Variants in ADCYAP1R1 observed in about 807,000 individuals in gnomAD.
The protein encoded by ADCYAP1R1 is pituitary adenylate cyclase-activating polypeptide type I receptor.
ADCYAP1R1 carries 44 observed loss-of-function variants against 67.6 expected under a neutral mutation model. The observed-to-expected ratio is 0.65, with a 90% CI of 0.51 to 0.84. The LOEUF is 0.84. ADCYAP1R1 is among the 40% of genes least tolerant of loss of function. The probability of loss-of-function intolerance (pLI) is 0.00; values close to 1 mark genes in which losing one functional copy is unlikely to be tolerated. For synonymous variants in ADCYAP1R1, 222 were observed against 219.6 expected (o/e 1.01, Z -0.10); for missense variants, 477 against 587.9 (o/e 0.81, Z 1.95).
Position 31,106,613 on chromosome 7 carries a change from C to T in ADCYAP1R1, c.1336C>T (p.Leu446Phe). 6.2e-7 allele frequency: 1 copy of T among 1,613,942 alleles called. No homozygotes were observed. Among genetic ancestry groups the T allele is most frequent in the Non-Finnish European group, 8.5e-7 (1 of 1,179,866 alleles). The change falls in exon 16 of 16, where the codon CTC becomes TTC. Residue 446 changes from leucine (L) to phenylalanine (F), a missense_variant. Physicochemically the swap from Leu to Phe is conservative, Grantham distance 22. Transcript: ENST00000304166. ...CAGTGGGGTGAATGGGGGCACCCAG[C>T]TCTCCATCCTGAGCAAGAGCAGCTC... The part of the protein sequence containing the change: ...ASSGVNGGTQ[L>F]SILSKSSSQI...
chr7:31,088,430 A>C (rs979284397), intron 12 of ADCYAP1R1, among the ~76,000 whole-genome samples: 1 of 152,218 alleles, frequency 6.6e-6, no homozygotes, highest in African/African-American at 2.4e-5. Flanking sequence ...GGCCTTTCCC[A>C]ACCCAAGACA....
chr7:31,100,637 A>G (rs1259048860), intron 13 of ADCYAP1R1, among the ~76,000 whole-genome samples: 4 of 152,186 alleles, frequency 2.6e-5, no homozygotes, highest in South Asian at 2.1e-4. Context: ...TTTGTGTGTG[A>G]GTCAGCATTA....
intron 3 of ADCYAP1R1, among the ~76,000 whole-genome samples, chr7:31,072,025 A>G (rs1584493934): frequency 2.3e-5 from 1 of 43,896 alleles, no homozygotes; most frequent in East Asian, 8.1e-4. Context: ...CCACCCACCC[A>G]TCAATCTACT....
intron 6 of ADCYAP1R1, among the ~76,000 whole-genome samples, chr7:31,082,578 C>T (rs1375532350): frequency 1.3e-5 from 2 of 152,158 alleles, no homozygotes; most frequent in Admixed American, 6.5e-5. Flanking sequence ...GAAATGAGGC[C>T]CAGGGAGGGG....
intron 8 of ADCYAP1R1, 42 bp from the exon 9 acceptor site, chr7:31,085,268 G>T (rs774009355): frequency 6.3e-7 from 1 of 1,595,350 alleles, no homozygotes; most frequent in African/African-American, 1.3e-5. Flanking sequence ...GTGAAATGCT[G>T]TGGGGTCCAA....
intron 3 of ADCYAP1R1, among the ~76,000 whole-genome samples, chr7:31,068,152 A>C (rs112980502): frequency 1.0e-3 from 156 of 152,144 alleles, no homozygotes; most frequent in African/African-American, 3.5e-3. Context: ...AACAGCCAGC[A>C]CTTCAAGGCG....
chr7:31,058,304 G>A (rs578027653), intron 1 of ADCYAP1R1, among the ~76,000 whole-genome samples: 63 of 152,174 alleles, frequency 4.1e-4, no homozygotes, highest in Non-Finnish European at 8.5e-4. Flanking sequence ...GTCACCGCTC[G>A]CTCCCATGTG....
intron 3 of ADCYAP1R1, among the ~76,000 whole-genome samples, chr7:31,070,788 A>C (rs1373555086): frequency 6.6e-6 from 1 of 152,076 alleles, no homozygotes; most frequent in African/African-American, 2.4e-5. Context: ...TGCTGGGCCC[A>C]CCTCCAGAAG....
chr7:31,076,542 A>G (rs1412388497), intron 3 of ADCYAP1R1, among the ~76,000 whole-genome samples: 2 of 152,164 alleles, frequency 1.3e-5, no homozygotes, highest in African/African-American at 4.8e-5. Context: ...GGGATTCCTC[A>G]ACACCTCTCA....
chr7:31,082,519 C>T (rs1171540375), intron 6 of ADCYAP1R1, among the ~76,000 whole-genome samples: 1 of 152,198 alleles, frequency 6.6e-6, no homozygotes, highest in African/African-American at 2.4e-5. Context: ...TTTTTCAAAG[C>T]AGCTTCCCTT....
chr7:31,056,928 C>G (rs1794271577), intron 1 of ADCYAP1R1: 1 of 152,258 alleles, frequency 6.6e-6, no homozygotes, highest in African/African-American at 2.4e-5. Context: ...CCAGGGGGCG[C>G]TCATCCAGGT....
At chr7:31,095,771 C>G (rs1165218026) in intron 13 of ADCYAP1R1, 1 of 717,622 alleles carries the variant, frequency 1.4e-6, no homozygotes, top group Non-Finnish European at 2.6e-6. Context: ...TCCAGCTGCT[C>G]AGGTGATAAG....
chr7:31,098,652 G>C (rs1796303099), intron 13 of ADCYAP1R1, among the ~76,000 whole-genome samples: 1 of 144,854 alleles, frequency 6.9e-6, no homozygotes, highest in African/African-American at 2.5e-5. Context: ...ATTGAATGGT[G>C]CTGTTTGTTG....
At chr7:31,077,616 G>A (rs1223874667) in intron 3 of ADCYAP1R1, among the ~76,000 whole-genome samples, 1 of 147,668 alleles carries the variant, frequency 6.8e-6, no homozygotes, top group African/African-American at 2.5e-5. Context: ...GTGAATGTGT[G>A]TGTGTAGTGT....
intron 1 of ADCYAP1R1, among the ~76,000 whole-genome samples, chr7:31,053,492 G>A (rs1794112797): frequency 6.6e-6 from 1 of 152,190 alleles, no homozygotes; most frequent in Non-Finnish European, 1.5e-5. Flanking sequence ...GGCTCAGAAG[G>A]GACAGGGGAG....
chr7:31,099,456 T>C (rs912988762), intron 13 of ADCYAP1R1, among the ~76,000 whole-genome samples: 8 of 152,246 alleles, frequency 5.3e-5, no homozygotes, highest in Non-Finnish European at 1.0e-4. Flanking sequence ...AATAGCCACA[T>C]ATGGGTAGTG....
chr7:31,061,940 T>C (rs1794521824), intron 1 of ADCYAP1R1, among the ~76,000 whole-genome samples: 1 of 152,186 alleles, frequency 6.6e-6, no homozygotes, highest in African/African-American at 2.4e-5. Context: ...TGCCCTGATA[T>C]GGGCCTACTC....
chr7:31,068,139 C>T (rs547189469), intron 3 of ADCYAP1R1, among the ~76,000 whole-genome samples: 27 of 152,016 alleles, frequency 1.8e-4, no homozygotes, highest in Admixed American at 3.9e-4. Flanking sequence ...GGGTGGGCAC[C>T]GTAACAGCCA....
chr7:31,092,746 T>TTG lies in ADCYAP1R1; in HGVS notation c.1046+16_1046+17dup, dbSNP rs1796018687. The TTG allele has an allele frequency of 6.3e-7, 1 of 1,597,614 alleles. No homozygotes were observed. The highest frequency in any genetic ancestry group is 1.4e-5 in the African/African-American group (1 of 73,972). ...GTCCAGCATCTACTTGTAAGTACCA[T>TTG]TGTGTGGCTGCCACAGCCATTTCTG... On this transcript the variant is annotated intron_variant, in intron 13 of 15. Coordinates refer to ENST00000304166, the MANE Select transcript of ADCYAP1R1 (RefSeq NM_001118.5).
Sources: allele counts gnomAD v4.1 joint callset (sites outside exome capture counted in the v4.1 genomes callset), GRCh38; gene constraint gnomAD v4.1.1; transcripts MANE v1.5; gene names NCBI Gene and HGNC (gene_info 2026-07-23, HGNC 2026-07-21).